Variants in CNTNAP4 observed in about 807,000 individuals in gnomAD.
CNTNAP4 encodes the protein contactin-associated protein-like 4.
In CNTNAP4, 98 loss-of-function variants were observed where a neutral mutation model predicts 148.4. The observed-to-expected ratio is 0.66, with a 90% CI of 0.56 to 0.78. CNTNAP4 has a LOEUF of 0.78. CNTNAP4 is among the 30% of genes least tolerant of loss of function. The pLI, the probability that CNTNAP4 is intolerant of heterozygous loss-of-function variation, is 0.00. For missense variants in CNTNAP4, 1,935 were observed against 1,565.6 expected, an observed-to-expected ratio of 1.24 and a Z score of -3.98; for synonymous variants, 730 against 565.1, an observed-to-expected ratio of 1.29 and a Z score of -4.14.
intron 3 of CNTNAP4, among the ~76,000 whole-genome samples, chr16:76,370,615 T>G (rs964880882): frequency 6.6e-6 from 1 of 152,136 alleles, no homozygotes; most frequent in South Asian, 2.1e-4. Flanking sequence ...ATGTTTTGGG[T>G]CAGAGCAGGG....
intron 3 of CNTNAP4, among the ~76,000 whole-genome samples, chr16:76,423,675 CACAA>C (rs1418916547): frequency 1.3e-5 from 2 of 152,106 alleles, no homozygotes; most frequent in Non-Finnish European, 2.9e-5. Flanking sequence ...ATGCATCATT[CACAA>C]ACATTCTGAA....
rs562288954 is a variant in CNTNAP4, at chr16:76,346,147, AGG to A, written c.197-9170_197-9169del. Among the ~76,000 whole-genome samples the A allele has an allele frequency of 2.3e-4, 35 of 152,166 alleles. No homozygotes were observed. The East Asian group carries it at 6.6e-3, about 29-fold the overall frequency. On this transcript the variant is annotated intron_variant, in intron 2 of 23. Coordinates refer to ENST00000611870, the MANE Select transcript of CNTNAP4 (RefSeq NM_033401.5). ...GAATTCAACAAATACTTAAGCCCAG[AGG>A]TAAACAAATCTCATGAATTGGGAAC...
intron 8 of CNTNAP4, among the ~76,000 whole-genome samples, chr16:76,459,044 C>G (rs970261046): frequency 6.6e-6 from 1 of 151,972 alleles, no homozygotes; most frequent in African/African-American, 2.4e-5. Context: ...ATGTTCATCC[C>G]CACAGATAGT....
chr16:76,502,370 C>CT (rs199615956), intron 15 of CNTNAP4, among the ~76,000 whole-genome samples: 6,101 of 130,858 alleles, frequency 0.047, 197 homozygotes, highest in African/African-American at 0.1. Context: ...GCCATAGGTA[C>CT]TTTTTTTTTT....
chr16:76,461,934 C>G (rs570926500), intron 8 of CNTNAP4, 22 bp from the exon 9 acceptor site: 13 of 1,611,636 alleles, frequency 8.1e-6, no homozygotes, highest in Non-Finnish European at 1.1e-5. Flanking sequence ...AGAGCGATCT[C>G]TAACTGATTT....
At chr16:76,412,893 C>T (rs1454876467) in intron 3 of CNTNAP4, among the ~76,000 whole-genome samples, 1 of 151,466 alleles carries the variant, frequency 6.6e-6, no homozygotes, top group African/African-American at 2.4e-5. Context: ...CTTCCTATAA[C>T]ATTACTGTTT....
chr16:76,487,360 C>G (rs747538248), intron 12 of CNTNAP4, among the ~76,000 whole-genome samples: 2 of 152,166 alleles, frequency 1.3e-5, no homozygotes, highest in African/African-American at 2.4e-5. Flanking sequence ...AGATCACAAA[C>G]TATTGCTATT....
intron 2 of CNTNAP4, among the ~76,000 whole-genome samples, chr16:76,350,160 A>G (rs1965249605): frequency 6.6e-6 from 1 of 152,128 alleles, no homozygotes; most frequent in Admixed American, 6.6e-5. Context: ...GGGATAAAAT[A>G]TACTACTATG....
intron 3 of CNTNAP4, among the ~76,000 whole-genome samples, chr16:76,390,472 G>T (rs1043510039): frequency 3.3e-5 from 5 of 151,824 alleles, no homozygotes; most frequent in African/African-American, 7.3e-5. Flanking sequence ...TGTTTCCTCT[G>T]AGAAAAGCTG....
At chr16:76,377,863 T>A (rs2015575311) in intron 3 of CNTNAP4, among the ~76,000 whole-genome samples, 1 of 152,164 alleles carries the variant, frequency 6.6e-6, no homozygotes, top group Admixed American at 6.5e-5. Flanking sequence ...GCACCTTAGG[T>A]CCCAGAATGT....
intron 14 of CNTNAP4, among the ~76,000 whole-genome samples, chr16:76,497,729 A>G (rs1271397571): frequency 2.0e-5 from 3 of 152,160 alleles, no homozygotes; most frequent in Non-Finnish European, 4.4e-5. Context: ...GCATTAGGAA[A>G]AATACCTAAT....
chr16:76,387,220 AT>A (rs1597390130), intron 3 of CNTNAP4, among the ~76,000 whole-genome samples: 1 of 152,190 alleles, frequency 6.6e-6, no homozygotes, highest in East Asian at 1.9e-4. Context: ...ACCACATGAC[AT>A]TTATAGTCCG....
At chr16:76,373,588 G>A (rs1567903888) in intron 3 of CNTNAP4, among the ~76,000 whole-genome samples, 1 of 152,056 alleles carries the variant, frequency 6.6e-6, no homozygotes, top group Non-Finnish European at 1.5e-5. Context: ...AAGTAGCTAT[G>A]AGTATGAAAG....
In CNTNAP4 at chr16:76,499,814, G is replaced by A. The variant is rs201414253; in HGVS notation, c.2365+1120G>A. On this transcript the variant is annotated intron_variant, in intron 15 of 23. Transcript: ENST00000611870. ...TGTTTAACAAAGCACATCTTGCACC[G>A]CCCTTAATCCATTTAACCCTTAGTG... Among the ~76,000 whole-genome samples the A allele has an allele frequency of 2.6e-5, 4 of 151,056 alleles. No individual in the cohort carries two copies. In the South Asian group the frequency reaches 6.3e-4, roughly 24 times the overall value.
intron 1 of CNTNAP4, among the ~76,000 whole-genome samples, chr16:76,279,614 A>G (rs74024969): frequency 0.021 from 3,249 of 152,212 alleles, 109 homozygotes; most frequent in African/African-American, 0.075. Flanking sequence ...TAAACATCTG[A>G]TGAACTTGCA....
intron 1 of CNTNAP4, among the ~76,000 whole-genome samples, chr16:76,278,870 C>G (rs1958580988): frequency 6.6e-6 from 1 of 152,104 alleles, no homozygotes; most frequent in South Asian, 2.1e-4. Context: ...TCAAATGTCC[C>G]CTCACAGTAC....
intron 3 of CNTNAP4, among the ~76,000 whole-genome samples, chr16:76,356,370 T>G (rs192836799): frequency 7.4e-4 from 112 of 152,272 alleles, no homozygotes; most frequent in African/African-American, 2.6e-3. Context: ...CTCTAGTCTC[T>G]GTAAAGTGTA....
chr16:76,298,647 C>T (rs1310171716), intron 1 of CNTNAP4, among the ~76,000 whole-genome samples: 1 of 151,790 alleles, frequency 6.6e-6, no homozygotes, highest in Non-Finnish European at 1.5e-5. Context: ...GTAAACACAC[C>T]CTTAAAGTAA....
intron 11 of CNTNAP4, among the ~76,000 whole-genome samples, chr16:76,477,275 C>A (rs2081620074): frequency 1.3e-5 from 2 of 151,982 alleles, no homozygotes; most frequent in South Asian, 4.2e-4. Context: ...TTTCATTGTC[C>A]AGTTGTTCTG....
Sources: allele counts gnomAD v4.1 joint callset (sites outside exome capture counted in the v4.1 genomes callset), GRCh38; gene constraint gnomAD v4.1.1; transcripts MANE v1.5; gene names NCBI Gene and HGNC (gene_info 2026-07-23, HGNC 2026-07-21).